SLIT1: variants seen among roughly 807,000 people sequenced by gnomAD.
The protein encoded by SLIT1 is slit guidance ligand 1.
Under a neutral mutation model 186.1 loss-of-function variants are expected in SLIT1, and 66 were observed. That is an observed-to-expected ratio of 0.35 (90% confidence interval 0.29 to 0.44). The LOEUF is 0.44. SLIT1 is among the 20% of genes least tolerant of loss of function. The probability of loss-of-function intolerance (pLI) is 1.00; values close to 1 mark genes in which losing one functional copy is unlikely to be tolerated. For synonymous variants in SLIT1, 761 were observed against 833.8 expected (o/e 0.91, Z 1.50); for missense variants, 1,638 against 2,037.4 (o/e 0.80, Z 3.77).
intron 4 of SLIT1, among the ~76,000 whole-genome samples, chr10:97,128,116 G>A (rs765124856): frequency 8.0e-5 from 12 of 150,464 alleles, no homozygotes; most frequent in Non-Finnish European, 1.6e-4. Flanking sequence ...GCCCTTCCTC[G>A]GCCCCTCTGC....
chr10:97,079,271 G>A (rs1849079803), intron 4 of SLIT1, among the ~76,000 whole-genome samples: 1 of 152,174 alleles, frequency 6.6e-6, no homozygotes, highest in Admixed American at 6.5e-5. Context: ...AGTCGGGATG[G>A]GGGGTGCAGG....
chr10:97,037,911 G>A (rs922703580), intron 21 of SLIT1, 145 bp from the exon 22 acceptor site: 1 of 593,740 alleles, frequency 1.7e-6, no homozygotes, highest in Non-Finnish European at 2.9e-6. Flanking sequence ...AATCACTTAT[G>A]GGAGGAGAAA....
At chr10:97,163,022 C>A (rs1850050831) in intron 3 of SLIT1, among the ~76,000 whole-genome samples, 1 of 152,220 alleles carries the variant, frequency 6.6e-6, no homozygotes, top group South Asian at 2.1e-4. Context: ...GGCACGGCTT[C>A]CTTTAAGGAC....
In SLIT1 at chr10:97,035,521, C is replaced by T. The variant is rs551824928; in HGVS notation, c.2367-979G>A. Among the ~76,000 whole-genome samples the T allele has an allele frequency of 5.9e-5, 9 of 152,360 alleles. No individual in the cohort carries two copies. The East Asian group carries it at 1.5e-3, about 26-fold the overall frequency. ...CTGGCTGGTGGCCCTGGTCACCTCT[C>T]GCACCGTGCCCTCCTCCTGAGCCAG... On this transcript the variant is annotated intron_variant, in intron 22 of 36. Transcript: ENST00000266058.
At chr10:97,075,199 G>C (rs1849035061) in intron 4 of SLIT1, among the ~76,000 whole-genome samples, 1 of 152,220 alleles carries the variant, frequency 6.6e-6, no homozygotes, top group Admixed American at 6.5e-5. Flanking sequence ...CCTCATCTGG[G>C]GGCTTAGATC....
intron 4 of SLIT1, among the ~76,000 whole-genome samples, chr10:97,142,727 G>A (rs181066528): frequency 6.6e-6 from 1 of 152,168 alleles, no homozygotes; most frequent in Admixed American, 6.5e-5. Flanking sequence ...CTCTGATAAG[G>A]GGTTACTATC....
At chr10:97,160,035 AC>A (rs1054662533) in intron 3 of SLIT1, among the ~76,000 whole-genome samples, 16 of 151,542 alleles carry the variant, frequency 1.1e-4, no homozygotes, top group African/African-American at 3.9e-4. Context: ...GCCTTTCTCT[AC>A]TCCCCATCCT....
chr10:97,101,260 T>A (rs1420516995), intron 4 of SLIT1: 1 of 152,126 alleles, frequency 6.6e-6, no homozygotes, highest in Non-Finnish European at 1.5e-5. Flanking sequence ...CTCCTCTTCC[T>A]ATTGGATGGA....
chr10:97,049,196 T>C lies in SLIT1; in HGVS notation c.1302-78A>G, dbSNP rs966295374. ...TGACCTCCACCGGGACAGGGCCTCG[T>C]TGTGGCTGGGGCCAAGGAGGCTGCC... On this transcript the variant is annotated intron_variant, in intron 13 of 36. Coordinates refer to ENST00000266058, the MANE Select transcript of SLIT1 (RefSeq NM_003061.3). 3.3e-6 allele frequency: 5 copies of C among 1,520,278 alleles called. No homozygotes were observed. The African/African-American group carries it at 5.5e-5, about 17-fold the overall frequency. 94.2% of individuals were successfully genotyped at this position (1,520,278 alleles called of 1,614,324 possible).
At chr10:97,091,924 G>A (rs781642942) in intron 4 of SLIT1, among the ~76,000 whole-genome samples, 2 of 152,198 alleles carry the variant, frequency 1.3e-5, no homozygotes, top group Admixed American at 6.5e-5. Context: ...CAGGAGTGGC[G>A]AGAAGTCTTG....
At chr10:97,166,569 G>GAAAGAAAGAAAGAA (rs1554854788) in intron 1 of SLIT1, among the ~76,000 whole-genome samples, 1 of 58,962 alleles carries the variant, frequency 1.7e-5, no homozygotes, top group African/African-American at 7.0e-5. Context: ...GAGAGAGAGA[G>GAAAGAAAGAAAGAA]AGAAAGAAAG....
Position 97,010,914 on chromosome 10 carries a change from G to C in SLIT1, c.3341+79C>G. ...GCTCTGACCCACACCCCTTTCCTTC[G>C]CCATGGCTGGAGGCTCCTGCCAGCC... On this transcript the variant is annotated intron_variant, in intron 31 of 36. Coordinates refer to ENST00000266058, the MANE Select transcript of SLIT1 (RefSeq NM_003061.3). The surrounding 1 kb of genome is among the most constrained non-coding windows in gnomAD (Gnocchi z 4.8). The C allele has an allele frequency of 7.0e-7, 1 of 1,421,946 alleles. No homozygotes were observed. The highest frequency in any genetic ancestry group is 1.4e-5 in the African/African-American group (1 of 70,224). The allele number at this position is 1,421,946 out of a possible 1,614,324, so 88.1% of individuals were successfully genotyped here. A position where few individuals can be genotyped will look rare whatever the true frequency, so the allele number is the denominator to read the frequency against.
At position 97,047,009 on chromosome 10, in the gene SLIT1, A is replaced by C. The variant is rs1210580197; in HGVS notation, c.1691T>G (p.Leu564Arg). 1.7e-5 allele frequency: 27 copies of C among 1,611,912 alleles called. No homozygotes were observed. Among genetic ancestry groups the C allele is most frequent in the East Asian group, 1.1e-4 (5 of 44,886 alleles). ...ILEATGMFKK[L>R]THLKKINLSN... ...AACTCACATTTTCTTCAGATGTGTA[A>C]GTTTTTTAAACATCCCAGTGGCCTC... The change falls in exon 17 of 37, where the codon CTT (leucine) becomes CGT (arginine). Residue 564 changes from leucine to arginine, a missense_variant. Around this residue, in one of 3 missense-constraint regions of SLIT1, gnomAD observed 1,245 missense variants for 1,535.3 expected, o/e 0.81. Coordinates refer to ENST00000266058, the MANE Select transcript of SLIT1 (RefSeq NM_003061.3).
chr10:97,115,244 C>A (rs1385120708), intron 4 of SLIT1, among the ~76,000 whole-genome samples: 1 of 152,186 alleles, frequency 6.6e-6, no homozygotes, highest in Non-Finnish European at 1.5e-5. Context: ...TCGCCCAGGG[C>A]CAGAGAGCTC....
chr10:97,164,247 C>T (rs1328045782), intron 2 of SLIT1, among the ~76,000 whole-genome samples: 1 of 151,610 alleles, frequency 6.6e-6, no homozygotes, highest in Admixed American at 6.6e-5. Flanking sequence ...GCTTTCGTGC[C>T]CCTGCATGGG....
intron 4 of SLIT1, among the ~76,000 whole-genome samples, chr10:97,110,518 A>T (rs1849454930): frequency 6.6e-6 from 1 of 152,272 alleles, no homozygotes; most frequent in African/African-American, 2.4e-5. Flanking sequence ...TGAATTTCAG[A>T]AATGTAATAC....
intron 4 of SLIT1, among the ~76,000 whole-genome samples, chr10:97,124,896 T>TGGAATAGAGAAATAGGCAA (rs1249742412): frequency 1.3e-5 from 2 of 152,220 alleles, no homozygotes; most frequent in East Asian, 3.9e-4. Flanking sequence ...AAAATGAAGA[T>TGGAATAGAGAAATAGGCAA]GGAATAGAGA....
intron 17 of SLIT1, 30 bp from the exon 18 acceptor site, chr10:97,046,827 T>C (rs1355355392): frequency 1.2e-6 from 2 of 1,606,942 alleles, no homozygotes; most frequent in African/African-American, 2.7e-5. Flanking sequence ...GAGGATTACA[T>C]ATGGCCAGCA....
chr10:97,131,269 C>G (rs2134695063), intron 4 of SLIT1, among the ~76,000 whole-genome samples: 1 of 152,352 alleles, frequency 6.6e-6, no homozygotes, highest in East Asian at 1.9e-4. Context: ...TAAAATTCTG[C>G]CGGCATCTCT....
Sources: allele counts gnomAD v4.1 joint callset (sites outside exome capture counted in the v4.1 genomes callset), GRCh38; gene constraint gnomAD v4.1.1; regional missense constraint gnomAD v4.1.1; non-coding constraint Gnocchi (gnomAD v3.1); transcripts MANE v1.5; gene names NCBI Gene and HGNC (gene_info 2026-07-23, HGNC 2026-07-21).